The following HEG1 variants were observed in gnomAD, a reference collection of about 807,000 sequenced individuals.
The protein encoded by HEG1 is protein HEG homolog 1.
A neutral mutation model predicts 125.6 loss-of-function variants in HEG1; 56 were observed. That is an observed-to-expected ratio of 0.45 (90% CI 0.36 to 0.56). HEG1 has a LOEUF of 0.56. Ranked by LOEUF, HEG1 falls within the 20% of genes least tolerant of loss-of-function variation. HEG1 has a pLI of 0.00. For synonymous variants in HEG1, 644 were observed against 668.5 expected, an observed-to-expected ratio of 0.96 and a Z score of 0.57; for missense variants, 1,523 against 1,670.0, an observed-to-expected ratio of 0.91 and a Z score of 1.53.
At chr3:125,018,897 G>A (rs1374586956) in intron 5 of HEG1, among the ~76,000 whole-genome samples, 12 of 121,026 alleles carry the variant, frequency 9.9e-5, no homozygotes, top group African/African-American at 3.0e-4. Context: ...AGACACTTTC[G>A]CTTTTGTCGC....
chr3:125,055,976 G>T lies in HEG1; in HGVS notation c.-86C>A, dbSNP rs528817931. ...GGCAGCGGGCGGCGGGGGCCGCGCG[G>T]GGCCGGGGAAGTGAGCGGAGTGAGG... On this transcript the variant is annotated 5_prime_UTR_variant, in exon 1 of 17. Coordinates refer to ENST00000311127, the MANE Select transcript of HEG1 (RefSeq NM_020733.2). The T allele has an allele frequency of 1.9e-6, 1 of 518,608 alleles. No individual in the cohort carries two copies. Among genetic ancestry groups the T allele is most frequent in the Non-Finnish European group, 2.5e-6 (1 of 403,884 alleles). 32.1% of individuals were successfully genotyped at this position (518,608 alleles called of 1,614,324 possible). A position where few individuals can be genotyped will look rare whatever the true frequency, so the allele number is the denominator to read the frequency against.
In HEG1 at chr3:124,990,570, C is replaced by A. The variant is rs150068335; in HGVS notation, c.3733+217G>T. Among the ~76,000 whole-genome samples, 1,414 of 152,288 alleles carry A rather than the reference C, an allele frequency of 9.3e-3. 10 individuals are homozygous for A. Among genetic ancestry groups the A allele is most frequent in the Middle Eastern group, 0.02 (6 of 294 alleles). On this transcript the variant is annotated intron_variant, in intron 14 of 16. Transcript: ENST00000311127. ...GCCAGAATGGTCTCTAACTCCTGGC[C>A]TCAAGTGATCCTCCTGCCTCCATCT... is the stretch of plus-strand genomic sequence containing the variant.
chr3:124,966,921 C>T lies in HEG1; in HGVS notation c.*3731G>A, dbSNP rs1003812389. 2.6e-5 allele frequency: 4 copies of T among 152,236 alleles called. No homozygotes were observed. Among genetic ancestry groups the T allele is most frequent in the African/African-American group, 9.6e-5 (4 of 41,460 alleles). 9.4% of individuals were successfully genotyped at this position (152,236 alleles called of 1,614,324 possible). Reference sequence around the variant, plus strand: ...GGAACTTTCACATCTGAATAGGTGTCATCCTTCAATGGCATATTCTTGGGT... The same window carrying T: ...GGAACTTTCACATCTGAATAGGTGTTATCCTTCAATGGCATATTCTTGGGT... On this transcript the variant is annotated 3_prime_UTR_variant, in exon 17 of 17. Transcript: ENST00000311127.
In HEG1 at chr3:124,983,794, T is replaced by C. The variant is rs143069852; in HGVS notation, c.3734-5848A>G. ...TCCACTGTGACAGTGCCCCACATGA[T>C]TGTCACTTTCTCCTGATGTTTTACA... On this transcript the variant is annotated intron_variant, in intron 14 of 16. Transcript: ENST00000311127. 3.9e-5 allele frequency among the ~76,000 whole-genome samples: 6 copies of C among 152,268 alleles called. No homozygotes were observed. In the East Asian group the frequency reaches 9.6e-4, roughly 24 times the overall value.
At chr3:125,018,652 G>A (rs751847717) in intron 5 of HEG1, among the ~76,000 whole-genome samples, 4 of 152,144 alleles carry the variant, frequency 2.6e-5, no homozygotes, top group Non-Finnish European at 4.4e-5. Context: ...CAGGTATGGA[G>A]TTATGGGTTG....
Position 125,009,953 on chromosome 3 carries a change from G to A in HEG1, c.3074-129C>T, listed in dbSNP as rs1396024989. 4 of 920,082 alleles carry A rather than the reference G, an allele frequency of 4.3e-6. No homozygotes were observed. In the East Asian group the frequency reaches 8.3e-5, roughly 19 times the overall value. 57.0% of individuals were successfully genotyped at this position (920,082 alleles called of 1,614,324 possible). A position where few individuals can be genotyped will look rare whatever the true frequency, so the allele number is the denominator to read the frequency against. ...GTGAGACCCCAAAGGATAAGTATGA[G>A]AACACTCTTGCCCTCAAGGGGCTTG... On this transcript the variant is annotated intron_variant, in intron 7 of 16. Transcript: ENST00000311127.
In HEG1 at chr3:124,977,829, G is replaced by A. The variant is rs767028003; in HGVS notation, c.3821+30C>T. The A allele has an allele frequency of 2.2e-5, 32 of 1,436,814 alleles. 1 individual carries two copies. In the Admixed American group the frequency reaches 3.3e-4, roughly 15 times the overall value. 89.0% of individuals were successfully genotyped at this position (1,436,814 alleles called of 1,614,324 possible). ...CCTTGTATAGCACAGGCAAAGGAACGGGATTGGAACCTGAACTCTCATCAC... is the reference window on the plus strand; with the variant it reads ...CCTTGTATAGCACAGGCAAAGGAACAGGATTGGAACCTGAACTCTCATCAC... On this transcript the variant is annotated intron_variant, in intron 15 of 16. Transcript: ENST00000311127.
rs1937145653 is a variant in HEG1 at position 125,010,692 on chromosome 3, A to G, written c.2957-137T>C. 4.7e-6 allele frequency: 3 copies of G among 643,774 alleles called. No individual in the cohort carries two copies. The African/African-American group carries it at 5.5e-5, about 12-fold the overall frequency. 39.9% of individuals were successfully genotyped at this position (643,774 alleles called of 1,614,324 possible). Reference sequence around the variant, plus strand: ...TACTTGCCCTGAAAGGCCACATTACAAAAGTAAAATGGGTTTCCCAGAGGT... The same window carrying G: ...TACTTGCCCTGAAAGGCCACATTACGAAAGTAAAATGGGTTTCCCAGAGGT... On this transcript the variant is annotated intron_variant, in intron 6 of 16. Coordinates refer to ENST00000311127, the MANE Select transcript of HEG1 (RefSeq NM_020733.2).
rs1936353142 is a variant in HEG1 at position 124,968,210 on chromosome 3, C to G, written c.*2442G>C. The stretch of plus-strand genomic sequence containing the variant: ...GCCTCTTCTGCTATCAGGTGTTTCC[C>G]CTCGGCCTAGGCGGGACCCTTCTGC... On this transcript the variant is annotated 3_prime_UTR_variant, in exon 17 of 17. Transcript: ENST00000311127. The G allele has an allele frequency of 6.6e-6, 1 of 152,364 alleles. No individual in the cohort carries two copies. The highest frequency in any genetic ancestry group is 1.5e-5 in the Non-Finnish European group (1 of 68,188). 9.4% of individuals were successfully genotyped at this position (152,364 alleles called of 1,614,324 possible).
At chr3:125,015,383 T>G (rs1937229481) in intron 5 of HEG1, among the ~76,000 whole-genome samples, 2 of 152,144 alleles carry the variant, frequency 1.3e-5, no homozygotes, top group Non-Finnish European at 2.9e-5. Context: ...CTTCAGACAT[T>G]TGCACAAGGC....
chr3:124,994,654 C>T (rs1250948333), intron 12 of HEG1, among the ~76,000 whole-genome samples: 2 of 152,044 alleles, frequency 1.3e-5, no homozygotes, highest in Non-Finnish European at 2.9e-5. Context: ...TACAGGCATG[C>T]ACCACCACGC....
At chr3:125,046,744 A>G (rs1035274863) in intron 1 of HEG1, among the ~76,000 whole-genome samples, 2 of 152,244 alleles carry the variant, frequency 1.3e-5, no homozygotes, top group Non-Finnish European at 2.9e-5. Flanking sequence ...TTTTCAATCC[A>G]GGAGGTTTGC....
chr3:125,028,032 C>T (rs1937443193), intron 2 of HEG1, among the ~76,000 whole-genome samples: 1 of 151,416 alleles, frequency 6.6e-6, no homozygotes, highest in Non-Finnish European at 1.5e-5. Flanking sequence ...TCTCTGACGG[C>T]TTCATCCTTT....
intron 1 of HEG1, among the ~76,000 whole-genome samples, chr3:125,047,723 T>A (rs1344615803): frequency 6.6e-6 from 1 of 152,178 alleles, no homozygotes; most frequent in Non-Finnish European, 1.5e-5. Flanking sequence ...TGGTTTTCAA[T>A]TCTAGCCCAA....
In HEG1 at chr3:125,009,806, G is replaced by A. The variant is rs534204602; in HGVS notation, c.3092C>T (p.Ser1031Leu). 46 of 1,613,148 alleles carry A rather than the reference G, an allele frequency of 2.9e-5. No individual in the cohort carries two copies. In the Middle Eastern group the frequency reaches 4.9e-4, roughly 17 times the overall value. The change falls in exon 8 of 17, where the codon TCG becomes TTG. Residue 1031 changes from serine (S) to leucine (L), a missense_variant. Transcript: ENST00000311127. ...DCSVDVNECL[S>L]NPCPSTAMCN... Reference sequence around the variant, plus strand: ...CATGGCTGTGGATGGGCAGGGGTTCGACAGGCACTCATTCACATCTGTAGA... The same window carrying A: ...CATGGCTGTGGATGGGCAGGGGTTCAACAGGCACTCATTCACATCTGTAGA...
intron 1 of HEG1, among the ~76,000 whole-genome samples, chr3:125,045,583 A>T (rs1361896675): frequency 6.6e-6 from 1 of 152,220 alleles, no homozygotes; most frequent in Non-Finnish European, 1.5e-5. Flanking sequence ...AATCACAGAC[A>T]GATGACAGGA....
At chr3:124,975,118 T>C (rs549860634) in intron 15 of HEG1, among the ~76,000 whole-genome samples, 129 of 152,356 alleles carry the variant, frequency 8.5e-4, no homozygotes, top group Non-Finnish European at 1.5e-3. Context: ...GATGATTTGA[T>C]GGCAATTTGG....
At position 125,029,403 on chromosome 3, in the gene HEG1, T is replaced by C. The variant is rs1473521348; in HGVS notation, c.402A>G (p.Ser134=). 2 of 1,610,828 alleles carry C rather than the reference T, an allele frequency of 1.2e-6. No individual in the cohort carries two copies. Among genetic ancestry groups the C allele is most frequent in the Non-Finnish European group, 1.7e-6 (2 of 1,179,844 alleles). ...TCACGCCCTCTTTGGAGGACACTGTTGAAAAGTCCTCTTGATTCTGATAGA... is the reference window on the plus strand; with the variant it reads ...TCACGCCCTCTTTGGAGGACACTGTCGAAAAGTCCTCTTGATTCTGATAGA... ...ITFYQNQEDF[S]TVSSKEGVMV... is the part of the protein sequence containing the mutation. The change falls in exon 2 of 17, where the codon TCA becomes TCG. Residue 134 remains serine, a synonymous_variant. Transcript: ENST00000311127.
At position 124,970,794 on chromosome 3, in the gene HEG1, C is replaced by T. The variant is rs1164039822; in HGVS notation, c.4004G>A (p.Ser1335Asn). The change falls in exon 17 of 17, where the codon AGT (serine) becomes AAT (asparagine). Residue 1335 changes from serine (S) to asparagine (N), a missense_variant. Coordinates refer to ENST00000311127, the MANE Select transcript of HEG1 (RefSeq NM_020733.2). ...QMTDVYYSPTSVRNPELERNG... is the reference protein window; with the variant it reads ...QMTDVYYSPTNVRNPELERNG... ...TCGTTCAAGTTCTGGATTCCTTACA[C>T]TTGTAGGCTGGTTGCCAAAGAGAAA... is the stretch of plus-strand genomic sequence containing the variant. 2.5e-6 allele frequency: 4 copies of T among 1,607,576 alleles called. No individual in the cohort carries two copies. The highest frequency in any genetic ancestry group is 1.7e-5 in the Admixed American group (1 of 58,864).
Sources: gnomAD v4.1 joint callset for allele counts (sites outside exome capture counted in the v4.1 genomes callset) on GRCh38, gnomAD v4.1.1 for gene constraint, MANE v1.5 for transcripts, NCBI Gene and HGNC (gene_info 2026-07-23, HGNC 2026-07-21) for gene names.